Variants in CDHR3 observed in about 807,000 individuals in gnomAD.
The protein encoded by CDHR3 is cadherin related family member 3.
Under a neutral mutation model 86.6 loss-of-function variants are expected in CDHR3, and 79 were observed. The ratio of observed to expected loss-of-function variants is 0.91; its 90% CI spans 0.76 to 1.10. CDHR3 has a LOEUF of 1.10. Ranked by LOEUF, CDHR3 falls within the 50% of genes least tolerant of loss-of-function variation. CDHR3 has a pLI of 0.00. For synonymous variants in CDHR3, 421 were observed against 402.4 expected (o/e 1.05, Z -0.55); for missense variants, 1,081 against 1,077.6 (o/e 1.00, Z -0.04).
intron 7 of CDHR3, among the ~76,000 whole-genome samples, chr7:106,003,943 G>A (rs1292234266): frequency 9.4e-6 from 1 of 106,332 alleles, no homozygotes; most frequent in Non-Finnish European, 1.7e-5. Flanking sequence ...TATTTATTAA[G>A]ATTTTTTGGT....
At chr7:105,968,470 C>T (rs1262861197) in intron 1 of CDHR3, among the ~76,000 whole-genome samples, 12 of 151,970 alleles carry the variant, frequency 7.9e-5, no homozygotes, top group Admixed American at 6.6e-5. Context: ...AAGTGATTCT[C>T]CTGCCTCAGC....
intron 8 of CDHR3, among the ~76,000 whole-genome samples, chr7:106,012,053 C>T (rs573522551): frequency 1.3e-5 from 2 of 152,294 alleles, no homozygotes; most frequent in East Asian, 1.9e-4. Flanking sequence ...TCAGGCAGGA[C>T]GTAAAATTTA....
chr7:106,023,772 T>A (rs1270853404), intron 14 of CDHR3, among the ~76,000 whole-genome samples: 1 of 152,212 alleles, frequency 6.6e-6, no homozygotes, highest in Non-Finnish European at 1.5e-5. Context: ...GGACTTTCCT[T>A]GTGGGAGGAG....
At chr7:105,985,358 C>T (rs975928123) in intron 4 of CDHR3, among the ~76,000 whole-genome samples, 7 of 152,094 alleles carry the variant, frequency 4.6e-5, no homozygotes, top group Admixed American at 1.3e-4. Flanking sequence ...AAAAACAAAG[C>T]GAATCCCACC....
intron 4 of CDHR3, 21 bp from the exon 5 acceptor site, chr7:105,994,729 AT>A (rs749866927): frequency 9.6e-6 from 15 of 1,566,978 alleles, no homozygotes; most frequent in African/African-American, 8.1e-5. Flanking sequence ...GATTTCATCA[AT>A]TTTTTTCCCT....
intron 4 of CDHR3, among the ~76,000 whole-genome samples, chr7:105,993,793 CA>C (rs1031795411): frequency 6.6e-6 from 1 of 151,456 alleles, no homozygotes; most frequent in African/African-American, 2.4e-5. Flanking sequence ...AGAAACAGAG[CA>C]ATCCTGATGG....
intron 12 of CDHR3, among the ~76,000 whole-genome samples, chr7:106,019,023 A>G (rs1339257978): frequency 6.6e-6 from 1 of 152,202 alleles, no homozygotes. Flanking sequence ...CAAGGGCAAC[A>G]TGATAGCCAC....
intron 11 of CDHR3, among the ~76,000 whole-genome samples, chr7:106,016,711 C>T (rs536177063): frequency 3.3e-5 from 5 of 152,356 alleles, no homozygotes; most frequent in African/African-American, 7.2e-5. Flanking sequence ...AAAACGCTCC[C>T]TCTAAAATGA....
chr7:106,004,541 A>T lies in CDHR3; in HGVS notation c.906A>T (p.Ala302=). The T allele has an allele frequency of 1.2e-6, 2 of 1,614,034 alleles. No homozygotes were observed. Among genetic ancestry groups the T allele is most frequent in the Non-Finnish European group, 1.7e-6 (2 of 1,179,892 alleles). Residue 302 remains alanine (A), a synonymous_variant, in exon 8 of 19, where the codon GCA becomes GCT. Transcript: ENST00000317716. ...TGGCCCAAAGGATAGACCGAGATGCAGGTGAATTGAGACAAAATCCCACCA... is the reference window on the plus strand; with the variant it reads ...TGGCCCAAAGGATAGACCGAGATGCTGGTGAATTGAGACAAAATCCCACCA... ...IQVAQRIDRD[A]GELRQNPTIS...
At chr7:106,001,191 T>C (rs539201050) in intron 6 of CDHR3, among the ~76,000 whole-genome samples, 1 of 152,312 alleles carries the variant, frequency 6.6e-6, no homozygotes, top group South Asian at 2.1e-4. Context: ...TGAAATGACA[T>C]CAGGCAGAGG....
chr7:106,015,924 T>C lies in CDHR3; in HGVS notation c.1328-3T>C. The C allele has an allele frequency of 1.3e-6, 2 of 1,594,096 alleles. No individual in the cohort carries two copies. The highest frequency in any genetic ancestry group is 1.7e-6 in the Non-Finnish European group (2 of 1,163,040). ...TTAAATGTGTTTCTATTTCCATTTT[T>C]AGATAACGTCTACGTTTATATCCTA... On this transcript the variant is annotated splice_region_variant and splice_polypyrimidine_tract_variant and intron_variant, in intron 10 of 18. Coordinates refer to ENST00000317716, the MANE Select transcript of CDHR3 (RefSeq NM_152750.5).
chr7:105,969,646 T>C (rs910037412), intron 1 of CDHR3, among the ~76,000 whole-genome samples: 2 of 152,192 alleles, frequency 1.3e-5, no homozygotes, highest in African/African-American at 4.8e-5. Flanking sequence ...GTGCATACAT[T>C]GGCTGTTCCT....
At chr7:106,007,806 C>G (rs1204569728) in intron 8 of CDHR3, among the ~76,000 whole-genome samples, 1 of 152,226 alleles carries the variant, frequency 6.6e-6, no homozygotes, top group Non-Finnish European at 1.5e-5. Context: ...AAAGTTGCTT[C>G]CACATTTTCA....
intron 13 of CDHR3, among the ~76,000 whole-genome samples, chr7:106,021,891 C>A (rs1836627248): frequency 6.6e-6 from 1 of 152,204 alleles, no homozygotes; most frequent in African/African-American, 2.4e-5. Flanking sequence ...ACCAGGGTTA[C>A]AAAGTCTCTG....
chr7:106,028,924 CTTTCTTT>C (rs1837823021), intron 17 of CDHR3, among the ~76,000 whole-genome samples: 1 of 90,060 alleles, frequency 1.1e-5, no homozygotes, highest in South Asian at 4.2e-4. Context: ...AATTTTCTTT[CTTTCTTT>C]CTTTCTTTCT....
chr7:105,984,429 C>A, intron 4 of CDHR3, 140 bp downstream of exon 4: 1 of 520,080 alleles, frequency 1.9e-6, no homozygotes, highest in Non-Finnish European at 3.4e-6. Flanking sequence ...ACAGTGTATG[C>A]AGGATGGTTG....
chr7:106,012,969 C>A lies in CDHR3; in HGVS notation c.1162C>A (p.Pro388Thr). 1.2e-6 allele frequency: 2 copies of A among 1,613,500 alleles called. No homozygotes were observed. Among genetic ancestry groups the A allele is most frequent in the Non-Finnish European group, 1.7e-6 (2 of 1,179,688 alleles). ...AAACAACAGATTCAACTTCACCATG[C>A]CATCTGGAGTGGGGAGCGGCAGCAG... The part of the protein sequence containing the change: ...APNNRFNFTM[P>T]SGVGSGSRFL... The change falls in exon 9 of 19, where the codon CCA becomes ACA. Residue 388 changes from proline (P) to threonine (T), a missense_variant. Coordinates refer to ENST00000317716, the MANE Select transcript of CDHR3 (RefSeq NM_152750.5).
At chr7:106,014,196 C>T (rs1408341791) in intron 9 of CDHR3, among the ~76,000 whole-genome samples, 2 of 152,262 alleles carry the variant, frequency 1.3e-5, no homozygotes, top group East Asian at 1.9e-4. Context: ...TCCACCTCCC[C>T]AAGTGCTGGG....
chr7:106,015,814 C>T (rs1460111087), intron 10 of CDHR3, 113 bp from the exon 11 acceptor site: 1 of 797,554 alleles, frequency 1.3e-6, no homozygotes, highest in Admixed American at 2.0e-5. Flanking sequence ...GTCTTAGCCA[C>T]CTGGTATCCC....
Sources: allele counts gnomAD v4.1 joint callset (sites outside exome capture counted in the v4.1 genomes callset), GRCh38; gene constraint gnomAD v4.1.1; transcripts MANE v1.5; gene names NCBI Gene and HGNC (gene_info 2026-07-23, HGNC 2026-07-21).